The following ROS1 variants were observed in gnomAD, a reference collection of about 807,000 sequenced individuals.
The protein encoded by ROS1 is proto-oncogene tyrosine-protein kinase ROS.
Under a neutral mutation model 273.5 loss-of-function variants are expected in ROS1, and 263 were observed. The observed-to-expected ratio is 0.96, with a 90% CI of 0.87 to 1.06. ROS1 has a LOEUF of 1.06. ROS1 is among the 50% of genes least tolerant of loss of function. The probability of loss-of-function intolerance (pLI) is 0.00; values close to 1 mark genes in which losing one functional copy is unlikely to be tolerated. For synonymous variants in ROS1, 1,008 were observed against 954.1 expected (o/e 1.06, Z -1.04); for missense variants, 2,833 against 2,751.1 (o/e 1.03, Z -0.67).
intron 42 of ROS1, among the ~76,000 whole-genome samples, chr6:117,308,085 G>C (rs910939123): frequency 6.6e-6 from 1 of 151,912 alleles, no homozygotes; most frequent in Non-Finnish European, 1.5e-5. Context: ...GAACTTCTTG[G>C]GTAAGACAAT....
intron 32 of ROS1, among the ~76,000 whole-genome samples, chr6:117,336,727 C>G (rs1432333231): frequency 6.6e-6 from 1 of 152,036 alleles, no homozygotes; most frequent in Non-Finnish European, 1.5e-5. Context: ...ATTTTTGGTT[C>G]TAGATCTTTG....
At chr6:117,330,877 G>T (rs1173510229) in intron 32 of ROS1, among the ~76,000 whole-genome samples, 1 of 152,050 alleles carries the variant, frequency 6.6e-6, no homozygotes, top group Non-Finnish European at 1.5e-5. Context: ...AACTCACGAA[G>T]GTGAGAAAGA....
chr6:117,326,236 T>C lies in ROS1; in HGVS notation c.5527A>G (p.Ile1843Val), dbSNP rs143846827. Reference protein sequence around the residue: ...GEYSGISENIILVGDDFWIPE... With the variant: ...GEYSGISENIVLVGDDFWIPE... The stretch of plus-strand genomic sequence containing the variant: ...CATGGTAACATACCTCCAACTAATA[T>C]AATATTCTCACTGATTCCACTATAT... Residue 1843 changes from isoleucine (I) to valine (V), a missense_variant, in exon 34 of 44, where the codon ATA becomes GTA. Coordinates refer to ENST00000368507, the MANE Select transcript of ROS1 (RefSeq NM_001378902.1). 12 of 1,594,850 alleles carry C rather than the reference T, an allele frequency of 7.5e-6. No homozygotes were observed. The highest frequency in any genetic ancestry group is 6.8e-5 in the African/African-American group (5 of 73,844).
intron 27 of ROS1, 42 bp from the exon 28 acceptor site, chr6:117,344,304 A>G: frequency 7.2e-7 from 1 of 1,381,678 alleles, no homozygotes. Flanking sequence ...TCTATACTAT[A>G]TATATGAGAG....
chr6:117,327,286 C>T (rs865845983), intron 33 of ROS1, among the ~76,000 whole-genome samples: 1 of 152,168 alleles, frequency 6.6e-6, no homozygotes, highest in Non-Finnish European at 1.5e-5. Flanking sequence ...CAGAGTTGGT[C>T]ACAGCTGTTC....
At chr6:117,359,718 T>A (rs1779624227) in intron 24 of ROS1, 91 bp downstream of exon 24, 1 of 1,021,274 alleles carries the variant, frequency 9.8e-7, no homozygotes, top group Admixed American at 1.9e-5. Flanking sequence ...TCTTAATGAC[T>A]AAACCGTTTT....
rs771226930 is a variant in ROS1, at chr6:117,337,292, G to A, written c.5110C>T (p.Pro1704Ser). The A allele has an allele frequency of 3.1e-6, 5 of 1,611,940 alleles. No homozygotes were observed. Among genetic ancestry groups the A allele is most frequent in the Non-Finnish European group, 4.2e-6 (5 of 1,178,896 alleles). Reference protein sequence around the residue: ...YHVKTSCSQGPAYVCNITNLQ... With the variant: ...YHVKTSCSQGSAYVCNITNLQ... Reference sequence around the variant, plus strand: ...TTTGTGATATTACAGACATAAGCAGGACCTTGGCTGCATGAAGTTTTAACA... The same window carrying A: ...TTTGTGATATTACAGACATAAGCAGAACCTTGGCTGCATGAAGTTTTAACA... The change falls in exon 32 of 44, where the codon CCT (proline) becomes TCT (serine). Residue 1704 changes from proline (P) to serine (S), a missense_variant. Transcript: ENST00000368507.
At chr6:117,357,167 T>A (rs992935762) in intron 25 of ROS1, among the ~76,000 whole-genome samples, 9 of 152,162 alleles carry the variant, frequency 5.9e-5, no homozygotes, top group African/African-American at 9.6e-5. Flanking sequence ...TGACCTTAGG[T>A]GCTATATTAA....
chr6:117,384,033 A>C (rs773991070), intron 16 of ROS1, among the ~76,000 whole-genome samples: 24 of 152,308 alleles, frequency 1.6e-4, no homozygotes, highest in Admixed American at 5.9e-4. Flanking sequence ...TTTCACAGGT[A>C]AAGTGGATTA....
In ROS1 at chr6:117,406,160, CAT is replaced by C. The variant is rs375705817; in HGVS notation, c.317-1734_317-1733del. On this transcript the variant is annotated intron_variant, in intron 5 of 43. Transcript: ENST00000368507. Reference sequence around the variant, plus strand: ...ACTCTGTCTCTCTCTCTCTCTCTCTCATATATATATATACACACACACATATA... The same window carrying C: ...ACTCTGTCTCTCTCTCTCTCTCTCTCATATATATATACACACACACATATA... 3.3e-5 allele frequency among the ~76,000 whole-genome samples: 5 copies of C among 150,862 alleles called. No individual in the cohort carries two copies. The East Asian group carries it at 7.8e-4, about 23-fold the overall frequency.
chr6:117,332,803 CAG>C (rs2128605237), intron 32 of ROS1, among the ~76,000 whole-genome samples: 1 of 152,042 alleles, frequency 6.6e-6, no homozygotes, highest in South Asian at 2.1e-4. Context: ...CAAATGAGAA[CAG>C]AGACAATGTA....
intron 20 of ROS1, 98 bp downstream of exon 20, chr6:117,365,483 C>T: frequency 9.7e-7 from 1 of 1,036,002 alleles, no homozygotes; most frequent in Non-Finnish European, 1.5e-6. Context: ...AGAAGATGGG[C>T]TTGGCTAAGT....
chr6:117,311,700 C>T (rs1411549772), intron 39 of ROS1, among the ~76,000 whole-genome samples: 2 of 151,986 alleles, frequency 1.3e-5, no homozygotes, highest in African/African-American at 4.8e-5. Flanking sequence ...GTTAGCAATA[C>T]CCTATTTCAA....
chr6:117,365,166 A>G lies in ROS1; in HGVS notation c.2997T>C (p.Thr999=). 1.2e-6 allele frequency: 2 copies of G among 1,612,620 alleles called. No individual in the cohort carries two copies. The highest frequency in any genetic ancestry group is 8.5e-7 in the Non-Finnish European group (1 of 1,178,750). ...ASEQHSLPVF[T]VEGLEPYALF... ...AGGCATAAGGTTCCAGTCCTTCCAC[A>G]GTAAATACAGGTAAAGAGTGTTGTT... Residue 999 remains threonine (T), a synonymous_variant, in exon 21 of 44, where the codon ACT becomes ACC. Coordinates refer to ENST00000368507, the MANE Select transcript of ROS1 (RefSeq NM_001378902.1).
intron 18 of ROS1, among the ~76,000 whole-genome samples, chr6:117,376,146 C>A (rs1485696949): frequency 6.6e-6 from 1 of 151,806 alleles, no homozygotes; most frequent in Non-Finnish European, 1.5e-5. Flanking sequence ...AAACTTTTAG[C>A]AGGAGTGATC....
chr6:117,312,933 T>C (rs2128551885), intron 39 of ROS1, among the ~76,000 whole-genome samples: 1 of 152,232 alleles, frequency 6.6e-6, no homozygotes, highest in Middle Eastern at 3.4e-3. Context: ...GAAGACCTCT[T>C]CCATGAAGCC....
chr6:117,400,643 A>G lies in ROS1; in HGVS notation c.604+2496T>C, dbSNP rs115177405. ...CATACTCAATCACCTTCATTTATGA[A>G]ACACTTTTATCACTTGGCTTTGAGA... On this transcript the variant is annotated intron_variant, in intron 7 of 43. Transcript: ENST00000368507. Among the ~76,000 whole-genome samples the G allele has an allele frequency of 8.7e-3, 1,318 of 152,312 alleles. 21 individuals are homozygous for G. The highest frequency in any genetic ancestry group is 0.03 in the African/African-American group (1,250 of 41,572).
chr6:117,355,665 A>G (rs370434590), intron 26 of ROS1, among the ~76,000 whole-genome samples: 79 of 151,662 alleles, frequency 5.2e-4, no homozygotes, highest in African/African-American at 1.7e-3. Context: ...GCTGGAGTAC[A>G]GTGGCACCAC....
chr6:117,314,897 A>T lies in ROS1; in HGVS notation c.6117+2246T>A, dbSNP rs548892157. On this transcript the variant is annotated intron_variant, in intron 39 of 43. Transcript: ENST00000368507. ...ACACATAGGTTCCCATCATTTTGTTAGGCCTCACGATTAAATATGAAACCA... is the reference window on the plus strand; with the variant it reads ...ACACATAGGTTCCCATCATTTTGTTTGGCCTCACGATTAAATATGAAACCA... Among the ~76,000 whole-genome samples the T allele has an allele frequency of 6.6e-5, 10 of 152,310 alleles. No homozygotes were observed. The East Asian group carries it at 1.5e-3, about 24-fold the overall frequency.
Sources: allele counts gnomAD v4.1 joint callset (sites outside exome capture counted in the v4.1 genomes callset), GRCh38; gene constraint gnomAD v4.1.1; transcripts MANE v1.5; gene names NCBI Gene and HGNC (gene_info 2026-07-23, HGNC 2026-07-21).